The following MAP7 variants were observed in gnomAD, a reference collection of about 807,000 sequenced individuals.
The protein encoded by MAP7 is microtubule associated protein 7, also known as ensconsin.
Under a neutral mutation model 94.8 loss-of-function variants are expected in MAP7, and 52 were observed. That is an observed-to-expected ratio of 0.55 (90% confidence interval 0.44 to 0.69). MAP7 has a LOEUF of 0.69. Ranked by LOEUF, MAP7 falls within the 30% of genes least tolerant of loss-of-function variation. MAP7 has a pLI of 0.00. For missense variants in MAP7, 940 were observed against 964.6 expected, an observed-to-expected ratio of 0.97 and a Z score of 0.34; for synonymous variants, 350 against 357.0, an observed-to-expected ratio of 0.98 and a Z score of 0.22.
chr6:136,414,486 TA>T (rs1267260347), intron 2 of MAP7, among the ~76,000 whole-genome samples: 4 of 152,060 alleles, frequency 2.6e-5, no homozygotes, highest in Non-Finnish European at 4.4e-5. Flanking sequence ...AAGTTCTTGC[TA>T]TCATTTGTTT....
At chr6:136,448,007 T>A (rs1430780925) in intron 1 of MAP7, among the ~76,000 whole-genome samples, 3 of 151,972 alleles carry the variant, frequency 2.0e-5, no homozygotes, top group Non-Finnish European at 4.4e-5. Context: ...CTAATCAACA[T>A]GGTGAAACCC....
intron 1 of MAP7, among the ~76,000 whole-genome samples, chr6:136,523,576 T>C (rs914684239): frequency 1.3e-5 from 2 of 152,258 alleles, no homozygotes; most frequent in African/African-American, 2.4e-5. Flanking sequence ...GTCAATAGTG[T>C]TATTCATTGA....
intron 3 of MAP7, among the ~76,000 whole-genome samples, chr6:136,401,265 T>C (rs1370816582): frequency 6.6e-6 from 1 of 152,042 alleles, no homozygotes; most frequent in Non-Finnish European, 1.5e-5. Context: ...GGCAGAAGGG[T>C]CCCTTCAGCC....
chr6:136,381,612 C>G (rs1777754673), intron 6 of MAP7, among the ~76,000 whole-genome samples: 1 of 152,088 alleles, frequency 6.6e-6, no homozygotes, highest in South Asian at 2.1e-4. Flanking sequence ...CCTTCCTAGA[C>G]AATATATGGG....
intron 1 of MAP7, among the ~76,000 whole-genome samples, chr6:136,423,025 C>G (rs978026571): frequency 6.6e-6 from 1 of 152,106 alleles, no homozygotes; most frequent in African/African-American, 2.4e-5. Flanking sequence ...AATAATACTG[C>G]CTAACTCACA....
chr6:136,371,821 C>T (rs1279443019), intron 8 of MAP7, among the ~76,000 whole-genome samples: 1 of 152,174 alleles, frequency 6.6e-6, no homozygotes, highest in Non-Finnish European at 1.5e-5. Flanking sequence ...TGGAGACATA[C>T]AAATTACCTC....
intron 1 of MAP7, among the ~76,000 whole-genome samples, chr6:136,458,440 T>A (rs1406169945): frequency 1.3e-5 from 2 of 152,080 alleles, no homozygotes; most frequent in Non-Finnish European, 2.9e-5. Context: ...ATAATTCATA[T>A]GGAACCCCAA....
In MAP7 at chr6:136,550,367, G is replaced by A; in HGVS notation, c.42C>T (p.Gly14=). 3 of 1,528,820 alleles carry A rather than the reference G, an allele frequency of 2.0e-6. No homozygotes were observed. The highest frequency in any genetic ancestry group is 2.0e-5 in the Admixed American group (1 of 51,200). The allele number at this position is 1,528,820 out of a possible 1,614,324, so 94.7% of individuals were successfully genotyped here. Residue 14 remains glycine (G), a synonymous_variant, in exon 1 of 18, where the codon GGC becomes GGT. Transcript: ENST00000354570. The surrounding 1 kb of genome is among the most constrained non-coding windows in gnomAD (Gnocchi z 5.1). ...LGAGGDGHRG[G]DGAVRSETAP... ...CTGTTTCGCTTCGCACTGCGCCGTC[G>A]CCGCCCCTGTGGCCGTCGCCGCCAG...
intron 8 of MAP7, among the ~76,000 whole-genome samples, chr6:136,371,809 C>G (rs1008693066): frequency 1.3e-5 from 2 of 152,116 alleles, no homozygotes; most frequent in Non-Finnish European, 2.9e-5. Context: ...GAAGAAGATT[C>G]CTGGAGACAT....
intron 2 of MAP7, among the ~76,000 whole-genome samples, chr6:136,414,252 C>CAAAAAAGAAAAAA (rs1788558579): frequency 6.3e-5 from 1 of 15,932 alleles, no homozygotes; most frequent in Non-Finnish European, 1.6e-4. Flanking sequence ...GACTCCGTCT[C>CAAAAAAGAAAAAA]AAAAAAAAAA....
intron 1 of MAP7, among the ~76,000 whole-genome samples, chr6:136,508,105 C>T (rs867561315): frequency 5.9e-5 from 9 of 152,116 alleles, no homozygotes; most frequent in Admixed American, 6.5e-5. Flanking sequence ...GTGGGTGAAT[C>T]GCTTCAGCTC....
chr6:136,361,914 T>A (rs982630615), intron 11 of MAP7, among the ~76,000 whole-genome samples: 3 of 152,148 alleles, frequency 2.0e-5, no homozygotes, highest in Admixed American at 6.5e-5. Flanking sequence ...TGGAGATGTG[T>A]TAAGTAAAAA....
intron 1 of MAP7, among the ~76,000 whole-genome samples, chr6:136,541,056 G>A (rs1464550649): frequency 6.6e-6 from 1 of 152,178 alleles, no homozygotes; most frequent in Non-Finnish European, 1.5e-5. Flanking sequence ...CATCTACCAT[G>A]AATAGAAACC....
chr6:136,458,938 G>T (rs1466753038), intron 1 of MAP7, among the ~76,000 whole-genome samples: 1 of 151,978 alleles, frequency 6.6e-6, no homozygotes, highest in African/African-American at 2.4e-5. Context: ...GCACAGCAAA[G>T]AAATCAACAG....
chr6:136,549,427 T>C (rs772224765), intron 1 of MAP7, among the ~76,000 whole-genome samples: 24 of 151,968 alleles, frequency 1.6e-4, no homozygotes, highest in Non-Finnish European at 3.2e-4. Flanking sequence ...AGATAGCCTC[T>C]GGAGAAAAAA....
At chr6:136,456,498 C>T (rs975729567) in intron 1 of MAP7, among the ~76,000 whole-genome samples, 1 of 151,674 alleles carries the variant, frequency 6.6e-6, no homozygotes, top group African/African-American at 2.4e-5. Flanking sequence ...ATAGGGAGAC[C>T]CTGTCTCTAC....
intron 3 of MAP7, among the ~76,000 whole-genome samples, chr6:136,401,922 T>C (rs1345041177): frequency 2.6e-5 from 4 of 152,328 alleles, no homozygotes; most frequent in South Asian, 2.1e-4. Context: ...TTTCTAGTCT[T>C]TAACCACTTC....
At chr6:136,356,436 G>A (rs1159778402) in intron 16 of MAP7, among the ~76,000 whole-genome samples, 1 of 152,134 alleles carries the variant, frequency 6.6e-6, no homozygotes, top group East Asian at 1.9e-4. Context: ...AAAGTGTTGG[G>A]ATTACAGGAG....
At chr6:136,486,673 G>A (rs1327954658) in intron 1 of MAP7, among the ~76,000 whole-genome samples, 1 of 152,166 alleles carries the variant, frequency 6.6e-6, no homozygotes, top group Non-Finnish European at 1.5e-5. Flanking sequence ...TTATGCCCCA[G>A]AGCTCAGACC....
Sources: allele counts gnomAD v4.1 joint callset (sites outside exome capture counted in the v4.1 genomes callset), GRCh38; gene constraint gnomAD v4.1.1; non-coding constraint Gnocchi (gnomAD v3.1); transcripts MANE v1.5; gene names NCBI Gene and HGNC (gene_info 2026-07-23, HGNC 2026-07-21).